CSMD1: variants seen among roughly 807,000 people sequenced by gnomAD.
The protein encoded by CSMD1 is CUB and Sushi multiple domains 1, also known as CUB and sushi domain-containing protein 1.
In CSMD1, 213 loss-of-function variants were observed where a neutral mutation model predicts 417.5. The observed-to-expected ratio is 0.51, with a 90% CI of 0.46 to 0.57. The LOEUF (loss-of-function observed/expected upper bound fraction) is 0.57. Ranked by LOEUF, CSMD1 falls within the 20% of genes least tolerant of loss-of-function variation. CSMD1 has a pLI of 0.00. For missense variants in CSMD1, 6,923 were observed against 4,529.7 expected (o/e 1.53, Z -15.17); for synonymous variants, 2,862 against 1,736.8 (o/e 1.65, Z -16.11).
At chr8:3,108,324 T>G (rs1315924305) in intron 44 of CSMD1, among the ~76,000 whole-genome samples, 1 of 152,196 alleles carries the variant, frequency 6.6e-6, no homozygotes, top group African/African-American at 2.4e-5. Context: ...TGAGTAAATC[T>G]ATAAAAGGTA....
At chr8:4,313,613 A>G (rs1798753609) in intron 3 of CSMD1, among the ~76,000 whole-genome samples, 1 of 152,046 alleles carries the variant, frequency 6.6e-6, no homozygotes, top group Admixed American at 6.6e-5. Flanking sequence ...TGTCTGTTTT[A>G]AACATGCAGA....
chr8:3,224,911 TA>T (rs1438919690), intron 27 of CSMD1, among the ~76,000 whole-genome samples: 5 of 152,214 alleles, frequency 3.3e-5, no homozygotes, highest in Non-Finnish European at 5.9e-5. Flanking sequence ...ATGCTGAGTT[TA>T]AAAGTTGTTT....
At chr8:3,294,535 C>G (rs977019870) in intron 25 of CSMD1, among the ~76,000 whole-genome samples, 2 of 148,596 alleles carry the variant, frequency 1.3e-5, no homozygotes, top group Non-Finnish European at 3.0e-5. Context: ...GCGCCCCTCC[C>G]CCAGCCTCGC....
intron 7 of CSMD1, among the ~76,000 whole-genome samples, chr8:3,665,747 G>T (rs1181036758): frequency 6.8e-6 from 1 of 147,204 alleles, no homozygotes; most frequent in Non-Finnish European, 1.5e-5. Flanking sequence ...TTAAAATATA[G>T]GAAGGTGTTT....
intron 46 of CSMD1, among the ~76,000 whole-genome samples, chr8:3,102,782 C>T (rs1468806276): frequency 6.6e-6 from 1 of 152,110 alleles, no homozygotes; most frequent in East Asian, 1.9e-4. Context: ...ATATTAAAAG[C>T]TGTAAGAGCC....
chr8:4,690,443 G>A (rs541443097), intron 1 of CSMD1, among the ~76,000 whole-genome samples: 1 of 152,232 alleles, frequency 6.6e-6, no homozygotes, highest in East Asian at 1.9e-4. Context: ...GAAAGTTGCA[G>A]AATTTAAGGA....
At chr8:4,675,021 A>G (rs1805586636) in intron 1 of CSMD1, among the ~76,000 whole-genome samples, 1 of 152,216 alleles carries the variant, frequency 6.6e-6, no homozygotes. Context: ...CCAGGGAACT[A>G]AACTGGCTGC....
chr8:4,482,026 G>C (rs552884715), intron 2 of CSMD1, among the ~76,000 whole-genome samples: 2 of 152,170 alleles, frequency 1.3e-5, no homozygotes, highest in Non-Finnish European at 1.5e-5. Flanking sequence ...GAATTCTCCT[G>C]CCACACCCTT....
At chr8:3,412,966 C>A (rs1812909084) in intron 12 of CSMD1, among the ~76,000 whole-genome samples, 1 of 152,182 alleles carries the variant, frequency 6.6e-6, no homozygotes, top group Non-Finnish European at 1.5e-5. Context: ...TAGCACAAAT[C>A]TGTGCAGTCA....
chr8:4,451,282 C>A (rs1455724599), intron 2 of CSMD1, among the ~76,000 whole-genome samples: 2 of 152,080 alleles, frequency 1.3e-5, no homozygotes, highest in African/African-American at 4.8e-5. Flanking sequence ...AGTGATCCAA[C>A]CAATCATGAC....
At chr8:3,192,273 G>A (rs965483700) in intron 33 of CSMD1, among the ~76,000 whole-genome samples, 2 of 152,032 alleles carry the variant, frequency 1.3e-5, no homozygotes, top group African/African-American at 4.8e-5. Context: ...TTCTATTATA[G>A]GTCAAGGATC....
chr8:4,376,566 T>C (rs1802755913), intron 3 of CSMD1, among the ~76,000 whole-genome samples: 2 of 152,208 alleles, frequency 1.3e-5, no homozygotes, highest in South Asian at 4.1e-4. Flanking sequence ...TATTTGCCTG[T>C]TTGTTGTTGT....
At chr8:3,968,908 T>C (rs1812874924) in intron 5 of CSMD1, among the ~76,000 whole-genome samples, 1 of 152,166 alleles carries the variant, frequency 6.6e-6, no homozygotes, top group African/African-American at 2.4e-5. Flanking sequence ...GATGTAATGA[T>C]TTATCTCAAA....
chr8:4,262,585 C>A (rs572868008), intron 3 of CSMD1, among the ~76,000 whole-genome samples: 39 of 152,228 alleles, frequency 2.6e-4, no homozygotes, highest in African/African-American at 8.9e-4. Flanking sequence ...AAACTCAGCT[C>A]CAACTCCTTA....
At chr8:4,488,019 CT>C (rs1801502410) in intron 2 of CSMD1, among the ~76,000 whole-genome samples, 1 of 152,110 alleles carries the variant, frequency 6.6e-6, no homozygotes, top group Admixed American at 6.5e-5. Flanking sequence ...ATGGGGCTTT[CT>C]GGAGGTGAGT....
chr8:4,542,707 T>G (rs58122978), intron 2 of CSMD1, among the ~76,000 whole-genome samples: 1,854 of 152,252 alleles, frequency 0.012, 44 homozygotes, highest in African/African-American at 0.043. Flanking sequence ...CTATTTAAAT[T>G]AGGGAACATA....
chr8:3,829,173 C>T (rs368367547), intron 5 of CSMD1, among the ~76,000 whole-genome samples: 55 of 152,234 alleles, frequency 3.6e-4, no homozygotes, highest in African/African-American at 1.2e-3. Context: ...TTTTATCCCT[C>T]GCCCTCCTTT....
At chr8:4,029,300 T>C (rs936432053) in intron 4 of CSMD1, among the ~76,000 whole-genome samples, 9 of 152,182 alleles carry the variant, frequency 5.9e-5, no homozygotes, top group Non-Finnish European at 1.2e-4. Flanking sequence ...TAGTCTGTTT[T>C]CACGCTGGTG....
intron 1 of CSMD1, among the ~76,000 whole-genome samples, chr8:4,698,450 T>G (rs1347154286): frequency 6.6e-6 from 1 of 152,120 alleles, no homozygotes. Flanking sequence ...TTCGCAAACT[T>G]TCATGCTTAT....
Sources: gnomAD v4.1 joint callset for allele counts (sites outside exome capture counted in the v4.1 genomes callset) on GRCh38, gnomAD v4.1.1 for gene constraint, MANE v1.5 for transcripts, NCBI Gene and HGNC (gene_info 2026-07-23, HGNC 2026-07-21) for gene names.